Variants in SYTL5 observed in about 807,000 individuals in gnomAD.
SYTL5 encodes the protein synaptotagmin-like protein 5.
Under a neutral mutation model 55.9 loss-of-function variants are expected in SYTL5, and 34 were observed. The observed-to-expected ratio is 0.61, with a 90% confidence interval of 0.46 to 0.81. SYTL5 has a LOEUF of 0.81. Among genes scored for constraint, SYTL5 ranks in the 30% least tolerant of loss-of-function variants. SYTL5 has a pLI of 0.00. For missense variants in SYTL5, 637 were observed against 546.7 expected (o/e 1.17, Z -1.65); for synonymous variants, 221 against 188.7 (o/e 1.17, Z -1.40).
chrX:37,974,938 T>G, the SYTL5 span, among the ~76,000 whole-genome samples: 1 of 112,136 alleles, frequency 8.9e-6, no homozygotes, highest in African/African-American at 3.2e-5. Context: ...TTCTGTGTAA[T>G]AGAAGGTTAG....
At chrX:37,962,809 CT>C in the SYTL5 span, among the ~76,000 whole-genome samples, 4 of 111,960 alleles carry the variant, frequency 3.6e-5, no homozygotes, top group East Asian at 2.8e-4. Context: ...TTGATTACCC[CT>C]CTTCCTCTTT....
At chrX:37,940,000 T>A in the SYTL5 span, among the ~76,000 whole-genome samples, 2 of 106,629 alleles carry the variant, frequency 1.9e-5, no homozygotes, top group Non-Finnish European at 3.8e-5. Context: ...CCCAGCTAAT[T>A]TTTTTTTGTA....
At chrX:38,023,725 A>G (rs1311782039) in intron 1 of SYTL5, among the ~76,000 whole-genome samples, 1 of 111,100 alleles carries the variant, frequency 9.0e-6, no homozygotes. Context: ...AGATTCTAAC[A>G]GTTTCTAACT....
the SYTL5 span, among the ~76,000 whole-genome samples, chrX:37,929,956 G>T: frequency 8.9e-6 from 1 of 112,117 alleles, no homozygotes; most frequent in East Asian, 2.8e-4. Flanking sequence ...GGAATTCGGG[G>T]TCGACTTCTA....
intron 2 of SYTL5, among the ~76,000 whole-genome samples, chrX:38,038,727 C>T (rs1935192484): frequency 8.9e-6 from 1 of 111,994 alleles, no homozygotes; most frequent in African/African-American, 3.2e-5. Flanking sequence ...AAGCCACCTT[C>T]AGACTGTACT....
the SYTL5 span, among the ~76,000 whole-genome samples, chrX:37,992,198 C>T: frequency 8.9e-6 from 1 of 112,960 alleles, no homozygotes; most frequent in Non-Finnish European, 1.9e-5. Context: ...CAAGTGGCGG[C>T]CTCTAAAGCA....
At chrX:37,944,557 G>T in the SYTL5 span, among the ~76,000 whole-genome samples, 1 of 111,453 alleles carries the variant, frequency 9.0e-6, no homozygotes, top group African/African-American at 3.3e-5. Context: ...CCCTGCACTT[G>T]CCAGACACCC....
chrX:37,948,945 A>C, the SYTL5 span, among the ~76,000 whole-genome samples: 2 of 111,381 alleles, frequency 1.8e-5, no homozygotes, highest in Non-Finnish European at 3.8e-5. Flanking sequence ...ATTTGTTGCT[A>C]TTTCTTTTCT....
At chrX:38,043,661 G>GTGTA (rs1285664433) in intron 2 of SYTL5, among the ~76,000 whole-genome samples, 94 of 50,087 alleles carry the variant, frequency 1.9e-3, no homozygotes, top group African/African-American at 8.5e-3. Context: ...ATGTATGTAT[G>GTGTA]TATATATATA....
the SYTL5 span, among the ~76,000 whole-genome samples, chrX:37,894,648 G>A: frequency 9.0e-6 from 1 of 111,499 alleles, no homozygotes; most frequent in African/African-American, 3.3e-5. Flanking sequence ...CCAGACAATT[G>A]GTAAAACTTT....
chrX:38,042,923 C>A (rs1935327728), intron 2 of SYTL5, among the ~76,000 whole-genome samples: 1 of 111,602 alleles, frequency 9.0e-6, no homozygotes, highest in South Asian at 3.7e-4. Flanking sequence ...AGGCAAGTGA[C>A]CATTTTATAT....
chrX:37,991,695 G>A, the SYTL5 span, among the ~76,000 whole-genome samples: 3 of 111,869 alleles, frequency 2.7e-5, no homozygotes, highest in Non-Finnish European at 5.6e-5. Context: ...GTCAGAGGGC[G>A]GTGGCCACAG....
intron 3 of SYTL5, among the ~76,000 whole-genome samples, chrX:38,057,652 G>A (rs977901861): frequency 9.0e-6 from 1 of 111,607 alleles, no homozygotes; most frequent in African/African-American, 3.2e-5. Context: ...CTTTGGATAC[G>A]TTATTTTGAT....
the SYTL5 span, among the ~76,000 whole-genome samples, chrX:37,941,205 A>G: frequency 8.0e-5 from 9 of 111,899 alleles, no homozygotes; most frequent in East Asian, 5.6e-4. Flanking sequence ...CCTGCCAGAA[A>G]GTCATGCTTA....
At position 38,071,208 on chromosome X, in the gene SYTL5, A is replaced by T. The variant is rs9919098; in HGVS notation, c.330-839A>T. Among the ~76,000 whole-genome samples the T allele has an allele frequency of 7.3e-3, 814 of 111,813 alleles. 8 individuals are homozygous for T. The highest frequency in any genetic ancestry group is 0.025 in the African/African-American group (776 of 30,834). ...GAGAGGGTAGAAATAATACTGAAGG[A>T]CGCTATAAGTAATGGGAGAAGTACA... On this transcript the variant is annotated intron_variant, in intron 3 of 16. Transcript: ENST00000297875.
At position 38,054,290 on chromosome X, in the gene SYTL5, A is replaced by G. The variant is rs1472204495; in HGVS notation, c.197A>G (p.His66Arg). 5 of 1,211,179 alleles carry G rather than the reference A, an allele frequency of 4.1e-6. No individual in the cohort carries two copies. The highest frequency in any genetic ancestry group is 5.6e-6 in the Non-Finnish European group (5 of 895,196). ...TQQEASRVCV[H>R]CHRNLGLIFD... The stretch of plus-strand genomic sequence containing the variant: ...CAAGAGGCCAGCAGAGTTTGTGTTC[A>G]CTGTCACAGAAACCTGGGCCTAATC... The change falls in exon 3 of 17, where the codon CAC becomes CGC. Residue 66 changes from histidine (H) to arginine (R), a missense_variant. His to Arg is a conservative substitution (Grantham distance 29). Coordinates refer to ENST00000297875, the MANE Select transcript of SYTL5 (RefSeq NM_138780.3).
chrX:38,068,784 G>A (rs1189490908), intron 3 of SYTL5, among the ~76,000 whole-genome samples: 1 of 110,518 alleles, frequency 9.0e-6, no homozygotes, highest in Non-Finnish European at 1.9e-5. Context: ...GGGGGTGGGG[G>A]CAAGGGTTGA....
the SYTL5 span, chrX:37,990,748 A>G: frequency 3.6e-6 from 4 of 1,097,483 alleles, no homozygotes; most frequent in South Asian, 6.9e-5. Flanking sequence ...GCAGAGGGAT[A>G]CAATAGGCAG....
chrX:37,902,668 C>CCAAAA, the SYTL5 span, among the ~76,000 whole-genome samples: 1 of 111,262 alleles, frequency 9.0e-6, no homozygotes, highest in African/African-American at 3.3e-5. Flanking sequence ...TCTCCCTCCG[C>CCAAAA]CAAAATAAAA....
Sources: allele counts gnomAD v4.1 joint callset (sites outside exome capture counted in the v4.1 genomes callset), GRCh38; gene constraint gnomAD v4.1.1; transcripts MANE v1.5; gene names NCBI Gene and HGNC (gene_info 2026-07-23, HGNC 2026-07-21).